The following ABCG1 variants were observed in gnomAD, a reference collection of about 807,000 sequenced individuals.
The protein encoded by ABCG1 is ATP binding cassette subfamily G member 1.
ABCG1 carries 29 observed loss-of-function variants against 69.2 expected under a neutral mutation model. The observed-to-expected ratio is 0.42, with a 90% CI of 0.31 to 0.57. The LOEUF is 0.57. ABCG1 is among the 20% of genes least tolerant of loss of function. The pLI, the probability that ABCG1 is intolerant of heterozygous loss-of-function variation, is 0.15. For missense variants in ABCG1, 718 were observed against 898.1 expected, an observed-to-expected ratio of 0.80 and a Z score of 2.56; for synonymous variants, 370 against 374.8, an observed-to-expected ratio of 0.99 and a Z score of 0.15.
chr21:42,214,652 C>G (rs1435522908), upstream of ABCG1, among the ~76,000 whole-genome samples: 1 of 152,252 alleles, frequency 6.6e-6, no homozygotes, highest in African/African-American at 2.4e-5. Context: ...TCACCACTGT[C>G]AGACAGGAGA....
chr21:42,252,529 G>A (rs945657611), intron 2 of ABCG1, among the ~76,000 whole-genome samples: 31 of 152,120 alleles, frequency 2.0e-4, no homozygotes, highest in African/African-American at 5.8e-4. Flanking sequence ...CACTTCTTTC[G>A]TTGTCCTGTT....
At chr21:42,217,996 G>C (rs1477399499), upstream of ABCG1, among the ~76,000 whole-genome samples, 2 of 152,070 alleles carry the variant, frequency 1.3e-5, no homozygotes, top group Non-Finnish European at 2.9e-5. Context: ...ACACCATTCA[G>C]ACAAAGGCAA....
intron 2 of ABCG1, among the ~76,000 whole-genome samples, chr21:42,254,760 G>C (rs146451134): frequency 0.012 from 1,756 of 152,354 alleles, 13 homozygotes; most frequent in Non-Finnish European, 0.016. Flanking sequence ...CTTTCTCTTG[G>C]GGAGGGAGGA....
intron 2 of ABCG1, among the ~76,000 whole-genome samples, chr21:42,209,017 G>A (rs543686574): frequency 1.2e-4 from 19 of 152,238 alleles, no homozygotes; most frequent in East Asian, 5.8e-4. Context: ...GAAATGTCTC[G>A]GAGCCTGGAA....
upstream of ABCG1, among the ~76,000 whole-genome samples, chr21:42,216,716 C>A (rs1050134449): frequency 2.0e-5 from 3 of 152,180 alleles, no homozygotes; most frequent in Admixed American, 6.5e-5. Context: ...GCACTCCGAA[C>A]CTTTCTGTAC....
intron 5 of ABCG1, among the ~76,000 whole-genome samples, chr21:42,279,179 G>T (rs555635034): frequency 4.6e-5 from 7 of 152,152 alleles, no homozygotes; most frequent in South Asian, 2.1e-4. Flanking sequence ...AAGCTGAGGG[G>T]CGGCTGTGGG....
At chr21:42,290,005 G>C in intron 10 of ABCG1, 45 bp from the exon 11 acceptor site, 1 of 1,613,292 alleles carries the variant, frequency 6.2e-7, no homozygotes. Flanking sequence ...CTGAGCCGAG[G>C]ACGGCTTTGC....
At chr21:42,245,912 T>C (rs369441707) in intron 2 of ABCG1, among the ~76,000 whole-genome samples, 1 of 152,140 alleles carries the variant, frequency 6.6e-6, no homozygotes, top group East Asian at 1.9e-4. Flanking sequence ...CAGCAGAAAG[T>C]GCTGACTCAG....
At chr21:42,252,507 G>A (rs373658860) in intron 2 of ABCG1, among the ~76,000 whole-genome samples, 2 of 152,168 alleles carry the variant, frequency 1.3e-5, no homozygotes, top group Non-Finnish European at 2.9e-5. Context: ...GGCAGCTGGG[G>A]CAGGTTAGGG....
chr21:42,295,330 CAATAAAAAAAAAAAAAA>C (rs2069183899), intron 14 of ABCG1: 1 of 53,680 alleles, frequency 1.9e-5, no homozygotes, highest in Non-Finnish European at 3.1e-5. Context: ...GACTCCGTCT[CAATAAAAAAAAAAAAAA>C]AAAAAAAAAA....
At chr21:42,248,801 G>A (rs780343586) in intron 2 of ABCG1, among the ~76,000 whole-genome samples, 28 of 151,784 alleles carry the variant, frequency 1.8e-4, no homozygotes, top group Non-Finnish European at 3.4e-4. Flanking sequence ...CAGTTACTTG[G>A]GGGGCTGAGG....
intron 5 of ABCG1, among the ~76,000 whole-genome samples, chr21:42,279,264 G>A (rs1003950415): frequency 1.6e-4 from 24 of 152,292 alleles, no homozygotes; most frequent in Admixed American, 1.1e-3. Context: ...TGGAGAGGGA[G>A]GCGCTGGAGA....
At chr21:42,210,860 G>C (rs1344016497) in intron 2 of ABCG1, among the ~76,000 whole-genome samples, 1 of 152,206 alleles carries the variant, frequency 6.6e-6, no homozygotes, top group African/African-American at 2.4e-5. Flanking sequence ...GGAAGCGAAG[G>C]AGCGTATCTG....
intron 2 of ABCG1, chr21:42,201,734 A>G: frequency 6.2e-7 from 1 of 1,613,846 alleles, no homozygotes; most frequent in South Asian, 1.1e-5. Context: ...GTGTGGTCAG[A>G]AGAGACAGGG....
intron 2 of ABCG1, among the ~76,000 whole-genome samples, chr21:42,206,644 A>G (rs1259824457): frequency 6.6e-6 from 1 of 152,170 alleles, no homozygotes; most frequent in Non-Finnish European, 1.5e-5. Context: ...TTTTGTAGAC[A>G]TGGGACCTCA....
intron 1 of ABCG1, among the ~76,000 whole-genome samples, chr21:42,222,538 T>C (rs1305718021): frequency 6.6e-6 from 1 of 152,212 alleles, no homozygotes; most frequent in Non-Finnish European, 1.5e-5. Flanking sequence ...TACAGAGGCT[T>C]GTGGTCTCAG....
rs1480419888 is a variant in ABCG1, at chr21:42,259,106, G to T, written c.287-11964G>T. 2.6e-5 allele frequency among the ~76,000 whole-genome samples: 4 copies of T among 152,208 alleles called. No individual in the cohort carries two copies. The East Asian group carries it at 5.8e-4, about 22-fold the overall frequency. On this transcript the variant is annotated intron_variant, in intron 2 of 14. Coordinates refer to ENST00000398449, the MANE Select transcript of ABCG1 (RefSeq NM_016818.3). ...CTGTTTTCCCCCAAGAACACAGGGT[G>T]CATCCCCAGCCTTAGCTGGATTTTC...
Position 42,231,467 on chromosome 21 carries a change from T to C in ABCG1, c.286+5553T>C, listed in dbSNP as rs188319387. Among the ~76,000 whole-genome samples, 67 of 152,362 alleles carry C rather than the reference T, an allele frequency of 4.4e-4. 1 individual carries two copies. Among genetic ancestry groups the C allele is most frequent in the South Asian group, 4.1e-4 (2 of 4,834 alleles). On this transcript the variant is annotated intron_variant, in intron 2 of 14. Coordinates refer to ENST00000398449, the MANE Select transcript of ABCG1 (RefSeq NM_016818.3). Reference sequence around the variant, plus strand: ...GCAGCGCCAAGTCAGATTATCTGTATTGGTTTGCTTCTACGCTATAAAAAT... The same window carrying C: ...GCAGCGCCAAGTCAGATTATCTGTACTGGTTTGCTTCTACGCTATAAAAAT...
chr21:42,259,951 G>A (rs1315632490), intron 2 of ABCG1: 1 of 1,485,964 alleles, frequency 6.7e-7, no homozygotes, highest in Non-Finnish European at 9.0e-7. Context: ...GGACGGTGGT[G>A]TTGGCTTGCT....
Sources: allele counts gnomAD v4.1 joint callset (sites outside exome capture counted in the v4.1 genomes callset), GRCh38; gene constraint gnomAD v4.1.1; transcripts MANE v1.5; gene names NCBI Gene and HGNC (gene_info 2026-07-23, HGNC 2026-07-21).